AVEN: variants seen among roughly 807,000 people sequenced by gnomAD.
AVEN encodes apoptosis and caspase activation inhibitor.
Under a neutral mutation model 38.1 loss-of-function variants are expected in AVEN, and 41 were observed. That is an observed-to-expected ratio of 1.08 (90% CI 0.84 to 1.40). The LOEUF is 1.40. Ranked by LOEUF, AVEN falls within the 40% of genes most tolerant of loss-of-function variation. The pLI is 0.00. For missense variants in AVEN, 605 were observed against 438.8 expected, an observed-to-expected ratio of 1.38 and a Z score of -3.38; for synonymous variants, 206 against 171.8, an observed-to-expected ratio of 1.20 and a Z score of -1.56.
chr15:33,963,852 A>G (rs764350755), intron 2 of AVEN, among the ~76,000 whole-genome samples: 1 of 152,026 alleles, frequency 6.6e-6, no homozygotes, highest in Non-Finnish European at 1.5e-5. Context: ...GCCCATCCAA[A>G]TAATCCTATT....
intron 2 of AVEN, among the ~76,000 whole-genome samples, chr15:33,946,195 G>A (rs1416988202): frequency 1.3e-5 from 2 of 152,102 alleles, no homozygotes; most frequent in Non-Finnish European, 2.9e-5. Context: ...TATATATCTG[G>A]AAGCATAAAT....
intron 5 of AVEN, among the ~76,000 whole-genome samples, chr15:34,045,219 G>A (rs754162510): frequency 6.6e-6 from 1 of 151,990 alleles, no homozygotes; most frequent in Non-Finnish European, 1.5e-5. Flanking sequence ...TCTTTTATAT[G>A]CCCCACAGCA....
chr15:33,886,342 G>A (rs962285303), intron 2 of AVEN, among the ~76,000 whole-genome samples: 6 of 152,076 alleles, frequency 3.9e-5, no homozygotes, highest in Admixed American at 6.5e-5. Flanking sequence ...TCGCTCTGTC[G>A]CCCAGGCTGG....
At position 33,867,516 on chromosome 15, in the gene AVEN, C is replaced by T; in HGVS notation, c.952G>A (p.Glu318Lys). Residue 318 changes from glutamate (E) to lysine (K), a missense_variant, in exon 5 of 6, where the codon GAG becomes AAG. By Grantham distance (56) the Glu-to-Lys change is moderately conservative (BLOSUM62 1). Coordinates refer to ENST00000306730, the MANE Select transcript of AVEN (RefSeq NM_020371.3). The part of the protein sequence containing the change: ...SQDLKSKEDG[E>K]VVQEEEVCAK... ...ATACCTTCTTCCTCTTGGACCACCTCCCCATCTTCCTTGGATTTCAGGTCC... is the reference window on the plus strand; with the variant it reads ...ATACCTTCTTCCTCTTGGACCACCTTCCCATCTTCCTTGGATTTCAGGTCC... 1 of 1,588,732 alleles carries T rather than the reference C, an allele frequency of 6.3e-7. No homozygotes were observed. Among genetic ancestry groups the T allele is most frequent in the Non-Finnish European group, 8.6e-7 (1 of 1,169,412 alleles).
At chr15:34,055,363 TGTGTGGTG>T (rs1339172322) in intron 5 of AVEN, among the ~76,000 whole-genome samples, 4 of 148,998 alleles carry the variant, frequency 2.7e-5, no homozygotes, top group African/African-American at 9.9e-5. Flanking sequence ...TAATTATCTG[TGTGTGGTG>T]GTGTGCACCT....
At chr15:33,854,152 C>T (rs1022330371), downstream of AVEN, among the ~76,000 whole-genome samples, 1 of 150,004 alleles carries the variant, frequency 6.7e-6, no homozygotes, top group Non-Finnish European at 1.5e-5. Context: ...GCCAAGATCA[C>T]GCCACTACAC....
chr15:34,016,567 C>G (rs1490220375), intron 1 of AVEN, among the ~76,000 whole-genome samples: 1 of 152,142 alleles, frequency 6.6e-6, no homozygotes, highest in African/African-American at 2.4e-5. Flanking sequence ...CAAAATGTAA[C>G]CTGAATCTTT....
intron 1 of AVEN, among the ~76,000 whole-genome samples, chr15:34,006,127 T>C (rs980319994): frequency 1.3e-5 from 2 of 152,208 alleles, no homozygotes; most frequent in Non-Finnish European, 2.9e-5. Context: ...CTGGCTAACA[T>C]GGTGAAACCC....
At chr15:33,864,457 A>G (rs958749845), downstream of AVEN, among the ~76,000 whole-genome samples, 11 of 152,230 alleles carry the variant, frequency 7.2e-5, no homozygotes, top group African/African-American at 2.4e-4. Context: ...AATATGAAAT[A>G]AGAAATTGTC....
At chr15:33,920,856 T>C (rs997548118) in intron 2 of AVEN, among the ~76,000 whole-genome samples, 5 of 152,128 alleles carry the variant, frequency 3.3e-5, no homozygotes, top group Admixed American at 2.6e-4. Flanking sequence ...TGACTGCAGC[T>C]TCTGCCTCCT....
chr15:33,976,152 T>C (rs1420820597), intron 2 of AVEN, among the ~76,000 whole-genome samples: 1 of 152,082 alleles, frequency 6.6e-6, no homozygotes. Flanking sequence ...TTGGATAAAA[T>C]CAACTTTTAA....
chr15:33,885,652 C>T (rs1384049889), intron 2 of AVEN: 2 of 152,098 alleles, frequency 1.3e-5, no homozygotes, highest in Non-Finnish European at 2.9e-5. Flanking sequence ...CCCTGAGCAT[C>T]GAACATCCAC....
intron 2 of AVEN, among the ~76,000 whole-genome samples, chr15:33,887,555 G>C (rs116248489): frequency 0.019 from 2,921 of 151,972 alleles, 86 homozygotes; most frequent in African/African-American, 0.066. Context: ...ATACATTTTA[G>C]CACAACTATG....
chr15:34,008,944 G>A (rs1180148435), intron 1 of AVEN, among the ~76,000 whole-genome samples: 1 of 34,280 alleles, frequency 2.9e-5, no homozygotes, highest in African/African-American at 6.3e-5. Context: ...ACACTCACAC[G>A]TGCGCGCGCG....
intron 3 of AVEN, among the ~76,000 whole-genome samples, chr15:33,875,672 A>G (rs1457993043): frequency 6.6e-6 from 1 of 152,170 alleles, no homozygotes; most frequent in Non-Finnish European, 1.5e-5. Flanking sequence ...CACGGCTATC[A>G]AGTTTCTACC....
chr15:34,064,408 G>T, intron 4 of AVEN: 1 of 1,410,884 alleles, frequency 7.1e-7, no homozygotes, highest in Non-Finnish European at 9.4e-7. Context: ...TTTTCAAAAA[G>T]AAGACATCTC....
At chr15:33,983,223 TACACAC>T (rs1555512827) in intron 2 of AVEN, among the ~76,000 whole-genome samples, 12 of 110,624 alleles carry the variant, frequency 1.1e-4, no homozygotes, top group South Asian at 7.2e-4. Flanking sequence ...TACATATATA[TACACAC>T]ACATACACAC....
At chr15:34,066,959 T>C (rs1466364039) in intron 2 of AVEN, 1 of 152,200 alleles carries the variant, frequency 6.6e-6, no homozygotes, top group Non-Finnish European at 1.5e-5. Flanking sequence ...TTCTATAGAA[T>C]AGCGGCTTTA....
At chr15:33,907,443 T>C (rs1422621044) in intron 2 of AVEN, among the ~76,000 whole-genome samples, 1 of 152,204 alleles carries the variant, frequency 6.6e-6, no homozygotes, top group Non-Finnish European at 1.5e-5. Context: ...AATGAGACAT[T>C]GTTTCTAAGG....
Sources: allele counts gnomAD v4.1 joint callset (sites outside exome capture counted in the v4.1 genomes callset), GRCh38; gene constraint gnomAD v4.1.1; transcripts MANE v1.5; gene names NCBI Gene and HGNC (gene_info 2026-07-23, HGNC 2026-07-21).